Variants in BOLA3 observed in about 807,000 individuals in gnomAD.
BOLA3 encodes the protein bolA-like protein 3.
In BOLA3, 8 loss-of-function variants were observed where a neutral mutation model predicts 14.5. That is an observed-to-expected ratio of 0.55 (90% CI 0.32 to 0.99). The LOEUF is 0.99. Among genes scored for constraint, BOLA3 ranks in the 50% least tolerant of loss-of-function variants. The pLI, the probability that BOLA3 is intolerant of heterozygous loss-of-function variation, is 0.04. For synonymous variants in BOLA3, 42 were observed against 45.7 expected (o/e 0.92, Z 0.33); for missense variants, 115 against 138.2 (o/e 0.83, Z 0.84).
rs146082353 is a variant in BOLA3 at position 74,139,623 on chromosome 2, G to A, written c.258+2649C>T. On this transcript the variant is annotated intron_variant, in intron 3 of 3. Coordinates refer to ENST00000327428, the MANE Select transcript of BOLA3 (RefSeq NM_212552.3). ...TCATTTTCATTCTTCTCATGCGACT[G>A]TCAAAGCCAACATCTCCAGACTTAA... Among the ~76,000 whole-genome samples, 256 of 152,334 alleles carry A rather than the reference G, an allele frequency of 1.7e-3. 1 individual carries two copies. The highest frequency in any genetic ancestry group is 5.9e-3 in the African/African-American group (245 of 41,576).
intron 3 of BOLA3, among the ~76,000 whole-genome samples, chr2:74,137,206 C>T (rs962030129): frequency 2.0e-5 from 3 of 152,174 alleles, no homozygotes; most frequent in East Asian, 1.9e-4. Flanking sequence ...ATGATTGGAC[C>T]GAGGTGGCAC....
chr2:74,136,784 T>C (rs1305430426), intron 3 of BOLA3, among the ~76,000 whole-genome samples: 3 of 152,228 alleles, frequency 2.0e-5, no homozygotes, highest in Non-Finnish European at 2.9e-5. Context: ...GAGCAGTTCT[T>C]TAAAATCATA....
At chr2:74,144,113 C>G (rs910547060) in intron 2 of BOLA3, among the ~76,000 whole-genome samples, 53 of 151,072 alleles carry the variant, frequency 3.5e-4, no homozygotes, top group African/African-American at 1.3e-3. Flanking sequence ...TCAAGCAAGT[C>G]TCCTGCCTCA....
At chr2:74,142,495 T>G (rs1434062652) in intron 2 of BOLA3, 135 bp from the exon 3 acceptor site, 2 of 734,434 alleles carry the variant, frequency 2.7e-6, no homozygotes, top group Non-Finnish European at 4.8e-6. Flanking sequence ...CTAAGACCAT[T>G]AGGAAAAGAT....
At chr2:74,137,304 T>C (rs1692353382) in intron 3 of BOLA3, among the ~76,000 whole-genome samples, 1 of 152,150 alleles carries the variant, frequency 6.6e-6, no homozygotes, top group African/African-American at 2.4e-5. Flanking sequence ...TGAAATTAAT[T>C]GGAGGTGGCC....
intron 3 of BOLA3, among the ~76,000 whole-genome samples, chr2:74,141,848 T>C (rs112994896): frequency 6.0e-4 from 92 of 152,310 alleles, no homozygotes; most frequent in African/African-American, 2.1e-3. Context: ...TGTTCTGTCA[T>C]TGGGTCTGGG....
intron 2 of BOLA3, among the ~76,000 whole-genome samples, chr2:74,144,651 C>T (rs1692509733): frequency 6.6e-6 from 1 of 152,246 alleles, no homozygotes; most frequent in Admixed American, 6.5e-5. Flanking sequence ...AAGGACAGCG[C>T]TTGGCTGGGG....
rs146584766 is a variant in BOLA3, at chr2:74,135,720, G to A, written c.259-62C>T. ...TTGACGTTGATTACAGTAATTCTCT[G>A]AGAGTATTTTTATACAGCTCTGCAT... On this transcript the variant is annotated intron_variant, in intron 3 of 3. Coordinates refer to ENST00000327428, the MANE Select transcript of BOLA3 (RefSeq NM_212552.3). The A allele has an allele frequency of 1.5e-4, 185 of 1,196,446 alleles. No homozygotes were observed. In the African/African-American group the frequency reaches 2.4e-3, roughly 15 times the overall value. The allele number at this position is 1,196,446 out of a possible 1,614,324, so 74.1% of individuals were successfully genotyped here.
rs1692305544 is a variant in BOLA3 at position 74,135,459 on chromosome 2, A to G, written c.*134T>C. 7.7e-7 allele frequency: 1 copy of G among 1,301,300 alleles called. No homozygotes were observed. The highest frequency in any genetic ancestry group is 1.7e-5 in the Admixed American group (1 of 59,042). The allele number at this position is 1,301,300 out of a possible 1,614,324, so 80.6% of individuals were successfully genotyped here. On this transcript the variant is annotated 3_prime_UTR_variant, in exon 4 of 4. Coordinates refer to ENST00000327428, the MANE Select transcript of BOLA3 (RefSeq NM_212552.3). ...TAATTAACATCTAAATAGATTATAC[A>G]TCTTCTATAATTATAATATGGAAAT... is the stretch of plus-strand genomic sequence containing the variant.
At chr2:74,146,406 G>C (rs902277407) in intron 1 of BOLA3, 2 of 152,764 alleles carry the variant, frequency 1.3e-5, no homozygotes, top group African/African-American at 4.8e-5. Flanking sequence ...GGCAGACTGG[G>C]AATGGAGTGT....
At chr2:74,141,624 G>A (rs1692439891) in intron 3 of BOLA3, among the ~76,000 whole-genome samples, 1 of 152,174 alleles carries the variant, frequency 6.6e-6, no homozygotes, top group Non-Finnish European at 1.5e-5. Flanking sequence ...GGCCACCGAA[G>A]AGACGCTCAT....
chr2:74,144,380 A>G (rs774345250), intron 2 of BOLA3, among the ~76,000 whole-genome samples: 3 of 152,126 alleles, frequency 2.0e-5, no homozygotes. Flanking sequence ...TTTCTCCTCA[A>G]TCCTTGGAAA....
Position 74,147,912 on chromosome 2 carries a change from T to C in BOLA3, c.-38A>G. ...TGACCCGCCGCCCGAGGTCACTGTA[T>C]GCCCGAAAGACGCGGAGCGGGGGAC... On this transcript the variant is annotated 5_prime_UTR_variant, in exon 1 of 4. Transcript: ENST00000327428. 1.3e-6 allele frequency: 2 copies of C among 1,494,416 alleles called. No individual in the cohort carries two copies. Among genetic ancestry groups the C allele is most frequent in the Non-Finnish European group, 1.8e-6 (2 of 1,128,438 alleles). The allele number at this position is 1,494,416 out of a possible 1,614,324, so 92.6% of individuals were successfully genotyped here.
At position 74,135,649 on chromosome 2, in the gene BOLA3, C is replaced by T. The variant is rs773696418; in HGVS notation, c.268G>A (p.Glu90Lys). 3 of 1,611,910 alleles carry T rather than the reference C, an allele frequency of 1.9e-6. No individual in the cohort carries two copies. Among genetic ancestry groups the T allele is most frequent in the Admixed American group, 3.3e-5 (2 of 59,976 alleles). ...QHQMVNQALK[E>K]EIKEMHGLRI... ...AATCCATGCATCTCTTTGATTTCTT[C>T]TTTTAGTGCCTAAGTAAGAAAACAG... The change falls in exon 4 of 4, where the codon GAA (glutamate) becomes AAA (lysine). Residue 90 changes from glutamate to lysine, a missense_variant. Glu to Lys is a moderately conservative substitution (Grantham distance 56). Coordinates refer to ENST00000327428, the MANE Select transcript of BOLA3 (RefSeq NM_212552.3).
chr2:74,143,034 T>C (rs1178101347), intron 2 of BOLA3, among the ~76,000 whole-genome samples: 1 of 152,234 alleles, frequency 6.6e-6, no homozygotes, highest in Non-Finnish European at 1.5e-5. Context: ...GAGCTGGTGC[T>C]GATGACTGAT....
rs142681691 is a variant in BOLA3, at chr2:74,137,160, T to G, written c.259-1502A>C. ...ATTCTGGTGGAACCACCAATTGGTCTGATATTGAGGTCATTATGTGCCACT... is the reference window on the plus strand; with the variant it reads ...ATTCTGGTGGAACCACCAATTGGTCGGATATTGAGGTCATTATGTGCCACT... On this transcript the variant is annotated intron_variant, in intron 3 of 3. Transcript: ENST00000327428. 4.3e-3 allele frequency among the ~76,000 whole-genome samples: 661 copies of G among 152,356 alleles called. 3 individuals carry two copies. The highest frequency in any genetic ancestry group is 0.014 in the Middle Eastern group (4 of 294).
At chr2:74,139,914 G>C (rs1410231455) in intron 3 of BOLA3, among the ~76,000 whole-genome samples, 1 of 152,202 alleles carries the variant, frequency 6.6e-6, no homozygotes, top group Non-Finnish European at 1.5e-5. Context: ...GGAGGCCGAG[G>C]CAGGAGGATC....
Position 74,147,848 on chromosome 2 carries a change from T to C in BOLA3, c.27A>G (p.Ala9=), listed in dbSNP as rs1211981949. 1 of 1,525,258 alleles carries C rather than the reference T, an allele frequency of 6.6e-7. No homozygotes were observed. The highest frequency in any genetic ancestry group is 1.2e-5 in the South Asian group (1 of 83,028). 94.5% of individuals were successfully genotyped at this position (1,525,258 alleles called of 1,614,324 possible). The part of the protein sequence containing the change: MAAWSPAA[A]APLLRGIRGL... ...CGCGGATCCCGCGGAGGAGAGGCGC[T>C]GCCGCGGCCGGGCTCCATGCAGCCA... Residue 9 remains alanine (A), a synonymous_variant, in exon 1 of 4, where the codon GCA becomes GCG. Transcript: ENST00000327428.
Position 74,147,262 on chromosome 2 carries a change from C to G in BOLA3, c.54+559G>C, listed in dbSNP as rs1692561774. On this transcript the variant is annotated intron_variant, in intron 1 of 3. Transcript: ENST00000327428. The stretch of plus-strand genomic sequence containing the variant: ...TGCACAGGGCAGGCAGGTTCAGAAC[C>G]AGGGGAGAAGGAAAATGAAAGTTAA... The G allele has an allele frequency of 1.9e-5, 3 of 160,348 alleles. No homozygotes were observed. The South Asian group carries it at 5.0e-4, about 27-fold the overall frequency. The allele number at this position is 160,348 out of a possible 1,614,324, so 9.9% of individuals were successfully genotyped here.
Sources: allele counts gnomAD v4.1 joint callset (sites outside exome capture counted in the v4.1 genomes callset), GRCh38; gene constraint gnomAD v4.1.1; transcripts MANE v1.5; gene names NCBI Gene and HGNC (gene_info 2026-07-23, HGNC 2026-07-21).